The following RBMS3 variants were observed in gnomAD, a reference collection of about 807,000 sequenced individuals.
RBMS3 encodes the protein RNA-binding motif, single-stranded-interacting protein 3.
RBMS3 carries 27 observed loss-of-function variants against 66.8 expected under a neutral mutation model. That is an observed-to-expected ratio of 0.40 (90% CI 0.30 to 0.56). The LOEUF (loss-of-function observed/expected upper bound fraction) is 0.56, where lower values mean the gene tolerates loss of function less well. RBMS3 is among the 20% of genes least tolerant of loss of function. The pLI, the probability that RBMS3 is intolerant of heterozygous loss-of-function variation, is 0.40. For missense variants in RBMS3, 513 were observed against 549.5 expected (o/e 0.93, Z 0.66); for synonymous variants, 188 against 183.0 (o/e 1.03, Z -0.22).
At chr3:29,996,681 C>A (rs542527890) in intron 14 of RBMS3, among the ~76,000 whole-genome samples, 3 of 151,912 alleles carry the variant, frequency 2.0e-5, no homozygotes, top group South Asian at 4.2e-4. Flanking sequence ...GGGTACATAA[C>A]GAAATGAAGG....
At chr3:29,807,691 C>T (rs1344866468) in intron 6 of RBMS3, among the ~76,000 whole-genome samples, 1 of 151,668 alleles carries the variant, frequency 6.6e-6, no homozygotes, top group Non-Finnish European at 1.5e-5. Flanking sequence ...TGTTCCACAG[C>T]ACATTGTTAT....
intron 3 of RBMS3, among the ~76,000 whole-genome samples, chr3:29,495,377 A>T (rs1366423082): frequency 1.4e-5 from 2 of 145,850 alleles, no homozygotes; most frequent in African/African-American, 5.0e-5. Context: ...TTATGCACTG[A>T]TGGAATATTT....
At chr3:29,898,859 T>C (rs2060188008) in intron 9 of RBMS3, among the ~76,000 whole-genome samples, 1 of 151,324 alleles carries the variant, frequency 6.6e-6, no homozygotes, top group South Asian at 2.1e-4. Context: ...GAATAAAATA[T>C]TCACTGAAGA....
intron 1 of RBMS3, among the ~76,000 whole-genome samples, chr3:29,420,825 C>T (rs549448880): frequency 1.3e-5 from 2 of 152,000 alleles, no homozygotes; most frequent in South Asian, 4.2e-4. Flanking sequence ...CTATTATCGG[C>T]CAGGCACGGT....
At chr3:29,937,745 A>C (rs953524698) in intron 11 of RBMS3, among the ~76,000 whole-genome samples, 1 of 151,976 alleles carries the variant, frequency 6.6e-6, no homozygotes, top group African/African-American at 2.4e-5. Context: ...GCTAATTTTC[A>C]TCATGGAGAT....
chr3:29,491,040 A>T lies in RBMS3; in HGVS notation c.307+2541A>T, dbSNP rs191908314. On this transcript the variant is annotated intron_variant, in intron 3 of 14. Coordinates refer to ENST00000383767, the MANE Select transcript of RBMS3 (RefSeq NM_001003793.3). ...CTCAAGCATGCTGATATCTGTTGTC[A>T]CAGTACAACTCTGAAGACCACGAAA... Among the ~76,000 whole-genome samples the T allele has an allele frequency of 2.0e-5, 3 of 152,310 alleles. No homozygotes were observed. The East Asian group carries it at 5.8e-4, about 29-fold the overall frequency.
At chr3:29,736,180 GACTAAT>G (rs1281784959) in intron 4 of RBMS3, among the ~76,000 whole-genome samples, 1 of 151,992 alleles carries the variant, frequency 6.6e-6, no homozygotes, top group Non-Finnish European at 1.5e-5. Context: ...ATATATTCAA[GACTAAT>G]ACTGCATTCA....
At chr3:29,425,110 G>C (rs540503858) in intron 1 of RBMS3, among the ~76,000 whole-genome samples, 1 of 150,186 alleles carries the variant, frequency 6.7e-6, no homozygotes, top group Non-Finnish European at 1.5e-5. Context: ...TTGGGAGGCC[G>C]AGGTGGGCGG....
intron 4 of RBMS3, among the ~76,000 whole-genome samples, chr3:29,673,831 G>C (rs1465746243): frequency 6.6e-6 from 1 of 152,126 alleles, no homozygotes; most frequent in Non-Finnish European, 1.5e-5. Flanking sequence ...GGTACAAAGA[G>C]GAGCTGGTAC....
chr3:29,674,332 G>A (rs2051139591), intron 4 of RBMS3, among the ~76,000 whole-genome samples: 2 of 152,112 alleles, frequency 1.3e-5, no homozygotes, highest in Admixed American at 1.3e-4. Flanking sequence ...CATTCCCTTT[G>A]AAAACTGGCA....
intron 1 of RBMS3, among the ~76,000 whole-genome samples, chr3:29,397,143 A>G (rs181567722): frequency 1.2e-3 from 186 of 152,260 alleles, no homozygotes; most frequent in African/African-American, 4.1e-3. Context: ...CTGCAGATAG[A>G]GTTAACCAAC....
chr3:29,415,781 T>G (rs536002246), intron 1 of RBMS3, among the ~76,000 whole-genome samples: 192 of 152,204 alleles, frequency 1.3e-3, no homozygotes, highest in African/African-American at 4.4e-3. Context: ...TGAAATTTTT[T>G]TTTTAAATGA....
intron 3 of RBMS3, among the ~76,000 whole-genome samples, chr3:29,580,724 T>C (rs1017829404): frequency 6.6e-6 from 1 of 151,148 alleles, no homozygotes; most frequent in African/African-American, 2.4e-5. Flanking sequence ...GAAGATCTCA[T>C]TGTGGTTCAA....
At chr3:29,988,366 G>A (rs1244644750) in intron 13 of RBMS3, 143 bp downstream of exon 13, 15 of 649,540 alleles carry the variant, frequency 2.3e-5, no homozygotes, top group Admixed American at 2.8e-5. Context: ...GTGTATGAAA[G>A]TATAAACATT....
intron 1 of RBMS3, among the ~76,000 whole-genome samples, chr3:29,424,083 T>G (rs908262583): frequency 6.6e-6 from 1 of 152,258 alleles, no homozygotes; most frequent in African/African-American, 2.4e-5. Flanking sequence ...CTTTAGCCAT[T>G]GCTATTCTTA....
At chr3:29,745,598 ACAGGGGGAG>A (rs1166769943) in intron 5 of RBMS3, among the ~76,000 whole-genome samples, 1 of 152,022 alleles carries the variant, frequency 6.6e-6, no homozygotes. Context: ...TGGGTGGGGG[ACAGGGGGAG>A]CAGGGGGAGC....
chr3:29,482,944 G>T (rs1334706547), intron 2 of RBMS3, among the ~76,000 whole-genome samples: 2 of 151,564 alleles, frequency 1.3e-5, no homozygotes, highest in African/African-American at 2.4e-5. Flanking sequence ...CTAACCTCGT[G>T]ATCTACCCAC....
chr3:29,361,866 A>G (rs9866074), intron 1 of RBMS3, among the ~76,000 whole-genome samples: 31,758 of 152,022 alleles, frequency 0.21, 3,702 homozygotes, highest in African/African-American at 0.32. Flanking sequence ...TGCATTCATC[A>G]CTTAGTTCTC....
At chr3:29,761,922 C>T (rs1429751899) in intron 5 of RBMS3, among the ~76,000 whole-genome samples, 1 of 152,062 alleles carries the variant, frequency 6.6e-6, no homozygotes, top group Non-Finnish European at 1.5e-5. Flanking sequence ...CTAGTATACT[C>T]TTTGGAAGAC....
Sources: gnomAD v4.1 joint callset for allele counts (sites outside exome capture counted in the v4.1 genomes callset) on GRCh38, gnomAD v4.1.1 for gene constraint, MANE v1.5 for transcripts, NCBI Gene and HGNC (gene_info 2026-07-23, HGNC 2026-07-21) for gene names.